The following ADAM22 variants were observed in gnomAD, a reference collection of about 807,000 sequenced individuals.
The protein encoded by ADAM22 is disintegrin and metalloproteinase domain-containing protein 22.
Under a neutral mutation model 144.6 loss-of-function variants are expected in ADAM22, and 65 were observed. The observed-to-expected ratio is 0.45, with a 90% CI of 0.37 to 0.55. The LOEUF (loss-of-function observed/expected upper bound fraction) is 0.55, where lower values mean the gene tolerates loss of function less well. ADAM22 is among the 20% of genes least tolerant of loss of function. The probability of loss-of-function intolerance (pLI) is 0.00; values close to 1 mark genes in which losing one functional copy is unlikely to be tolerated. For missense variants in ADAM22, 974 were observed against 1,184.9 expected (o/e 0.82, Z 2.61); for synonymous variants, 391 against 412.6 (o/e 0.95, Z 0.63).
intron 2 of ADAM22, among the ~76,000 whole-genome samples, chr7:87,959,662 T>C (rs1357365639): frequency 3.3e-5 from 5 of 152,184 alleles, no homozygotes; most frequent in African/African-American, 1.2e-4. Context: ...TACTTCAATA[T>C]GCAAATCAAA....
At chr7:88,090,724 G>A (rs891478985) in intron 4 of ADAM22, among the ~76,000 whole-genome samples, 3 of 151,934 alleles carry the variant, frequency 2.0e-5, no homozygotes, top group African/African-American at 7.3e-5. Context: ...CCATAAGTAG[G>A]GTTCACCATA....
At chr7:88,121,385 A>G (rs760806285) in intron 7 of ADAM22, among the ~76,000 whole-genome samples, 2 of 152,176 alleles carry the variant, frequency 1.3e-5, no homozygotes, top group Non-Finnish European at 2.9e-5. Context: ...TTTAGTGTAG[A>G]TATTGTATTA....
intron 3 of ADAM22, among the ~76,000 whole-genome samples, chr7:87,994,963 G>C (rs1279384833): frequency 9.2e-5 from 14 of 152,234 alleles, no homozygotes; most frequent in African/African-American, 3.4e-4. Context: ...AAGTAGCTGG[G>C]AATACAGGCG....
chr7:88,044,809 T>A (rs1382797516), intron 3 of ADAM22, among the ~76,000 whole-genome samples: 3 of 152,006 alleles, frequency 2.0e-5, no homozygotes, highest in Non-Finnish European at 4.4e-5. Context: ...CACTGCAACC[T>A]CTGCCTCCTG....
chr7:88,078,030 C>A (rs373059492), intron 4 of ADAM22, among the ~76,000 whole-genome samples: 12 of 152,242 alleles, frequency 7.9e-5, no homozygotes, highest in Non-Finnish European at 1.5e-5. Flanking sequence ...GATCTGAGAA[C>A]GGGCAGAATG....
At chr7:88,101,200 T>A (rs1020814713) in intron 4 of ADAM22, among the ~76,000 whole-genome samples, 2 of 116,626 alleles carry the variant, frequency 1.7e-5, no homozygotes, top group Non-Finnish European at 3.5e-5. Flanking sequence ...GCTTCCCATG[T>A]GTTACAATAT....
intron 5 of ADAM22, among the ~76,000 whole-genome samples, chr7:88,113,737 T>TATATATAG (rs1826935596): frequency 7.7e-6 from 1 of 129,622 alleles, no homozygotes; most frequent in African/African-American, 2.9e-5. Flanking sequence ...TATATATATA[T>TATATATAG]ATAGTAAGTC....
intron 25 of ADAM22, 198 bp downstream of exon 25, chr7:88,168,425 C>A (rs1843433361): frequency 4.8e-6 from 3 of 627,950 alleles, no homozygotes; most frequent in East Asian, 6.5e-5. Flanking sequence ...TTTGAGACAA[C>A]TTCCTTCTAT....
At chr7:87,975,107 G>T (rs1475682964) in intron 2 of ADAM22, among the ~76,000 whole-genome samples, 5 of 151,920 alleles carry the variant, frequency 3.3e-5, no homozygotes, top group Non-Finnish European at 7.4e-5. Context: ...CATATTTAGG[G>T]GTCATTATTT....
intron 2 of ADAM22, among the ~76,000 whole-genome samples, chr7:87,951,886 T>G (rs1845309286): frequency 7.0e-6 from 1 of 142,996 alleles, no homozygotes; most frequent in African/African-American, 2.7e-5. Flanking sequence ...CCTAGGTATT[T>G]TATTCTCTTT....
intron 2 of ADAM22, among the ~76,000 whole-genome samples, chr7:87,952,539 T>A (rs1301077628): frequency 6.6e-6 from 1 of 152,028 alleles, no homozygotes; most frequent in Non-Finnish European, 1.5e-5. Context: ...CTGGATTCGG[T>A]TTGCCAGTAT....
chr7:88,085,155 CT>C (rs1419739354), intron 4 of ADAM22, among the ~76,000 whole-genome samples: 2 of 152,142 alleles, frequency 1.3e-5, no homozygotes, highest in Non-Finnish European at 2.9e-5. Flanking sequence ...TAACACCTTC[CT>C]TAAGAGCCCT....
In ADAM22 at chr7:88,153,325, C is replaced by T. The variant is rs368940210; in HGVS notation, c.1786C>T (p.Arg596Trp). The T allele has an allele frequency of 6.0e-5, 97 of 1,610,606 alleles. No individual in the cohort carries two copies. Among genetic ancestry groups the T allele is most frequent in the Admixed American group, 3.9e-4 (23 of 59,656 alleles). Reference sequence around the variant, plus strand: ...AGACACATGGATACAGTGCAACAAACGGTGAGGTGGAGACGTCAGCCCAGA... The same window carrying T: ...AGACACATGGATACAGTGCAACAAATGGTGAGGTGGAGACGTCAGCCCAGA... ...DKDTWIQCNK[R>W]DVLCGYLLCT... The change falls in exon 21 of 32, where the codon CGG becomes TGG. Residue 596 changes from arginine (R) to tryptophan (W), a missense_variant and splice_region_variant. Transcript: ENST00000413139.
intron 27 of ADAM22, 142 bp downstream of exon 27, chr7:88,179,271 A>G (rs1323890719): frequency 2.3e-6 from 1 of 432,528 alleles, no homozygotes; most frequent in Non-Finnish European, 4.2e-6. Context: ...CAAACCAAAC[A>G]ATAACTCTGA....
intron 2 of ADAM22, among the ~76,000 whole-genome samples, chr7:87,976,408 AC>A (rs1851906627): frequency 2.6e-5 from 4 of 152,312 alleles, no homozygotes; most frequent in Admixed American, 2.6e-4. Flanking sequence ...ATGTGCACTT[AC>A]AAAGAAAAGG....
At chr7:88,135,898 A>G in intron 13 of ADAM22, 82 bp from the exon 14 acceptor site, 2 of 1,194,074 alleles carry the variant, frequency 1.7e-6, no homozygotes, top group Non-Finnish European at 2.3e-6. Flanking sequence ...AATAAAGTGG[A>G]GATAATTATT....
At chr7:87,936,867 T>G (rs1002739065) in intron 2 of ADAM22, among the ~76,000 whole-genome samples, 27 of 150,350 alleles carry the variant, frequency 1.8e-4, no homozygotes, top group Admixed American at 6.0e-4. Flanking sequence ...TATATATATA[T>G]ATATAGAGAG....
At chr7:87,936,793 G>A (rs531920392) in intron 2 of ADAM22, among the ~76,000 whole-genome samples, 11 of 150,776 alleles carry the variant, frequency 7.3e-5, no homozygotes, top group Admixed American at 1.3e-4. Flanking sequence ...TCCAGTTCTC[G>A]TAAATATGTA....
chr7:88,154,262 C>T (rs1387755807), intron 21 of ADAM22, among the ~76,000 whole-genome samples: 1 of 152,144 alleles, frequency 6.6e-6, no homozygotes, highest in Non-Finnish European at 1.5e-5. Flanking sequence ...TAAATGGAAC[C>T]TTAGCTTGGC....
Sources: gnomAD v4.1 joint callset for allele counts (sites outside exome capture counted in the v4.1 genomes callset) on GRCh38, gnomAD v4.1.1 for gene constraint, MANE v1.5 for transcripts, NCBI Gene and HGNC (gene_info 2026-07-23, HGNC 2026-07-21) for gene names.